The following CAMTA1 variants were observed in gnomAD, a reference collection of about 807,000 sequenced individuals.
CAMTA1 encodes the protein calmodulin-binding transcription activator 1.
Under a neutral mutation model 170.9 loss-of-function variants are expected in CAMTA1, and 27 were observed. The observed-to-expected ratio is 0.16, with a 90% CI of 0.12 to 0.22. CAMTA1 has a LOEUF of 0.22. CAMTA1 is among the 10% of genes least tolerant of loss of function. CAMTA1 has a pLI of 1.00. For missense variants in CAMTA1, 1,619 were observed against 2,217.2 expected (o/e 0.73, Z 5.42); for synonymous variants, 833 against 891.5 (o/e 0.93, Z 1.17).
chr1:7,436,842 C>G (rs991518236), intron 5 of CAMTA1, among the ~76,000 whole-genome samples: 1 of 152,084 alleles, frequency 6.6e-6, no homozygotes, highest in African/African-American at 2.4e-5. Context: ...TGGCTGGGAG[C>G]TGAGGGCCCT....
chr1:7,508,987 C>T (rs529717514), intron 6 of CAMTA1, among the ~76,000 whole-genome samples: 1 of 152,308 alleles, frequency 6.6e-6, no homozygotes, highest in African/African-American at 2.4e-5. Context: ...TGAGACCAGG[C>T]GCTACAGGCT....
chr1:7,516,370 A>G (rs1452096797), intron 6 of CAMTA1, among the ~76,000 whole-genome samples: 1 of 152,212 alleles, frequency 6.6e-6, no homozygotes, highest in East Asian at 1.9e-4. Flanking sequence ...TTGGAGTCAC[A>G]CTGTGGAATT....
intron 3 of CAMTA1, among the ~76,000 whole-genome samples, chr1:6,825,583 G>A (rs940626366): frequency 4.6e-5 from 7 of 152,154 alleles, no homozygotes; most frequent in African/African-American, 1.7e-4. Flanking sequence ...TCCACAGAAT[G>A]TGTAGTGTCT....
chr1:6,868,222 A>C (rs921006765), intron 3 of CAMTA1, among the ~76,000 whole-genome samples: 3 of 152,044 alleles, frequency 2.0e-5, no homozygotes, highest in African/African-American at 7.2e-5. Context: ...TAGAATGTGT[A>C]AAGTTTTACC....
chr1:7,264,101 G>T (rs1193155317), intron 5 of CAMTA1, among the ~76,000 whole-genome samples: 1 of 152,168 alleles, frequency 6.6e-6, no homozygotes, highest in Non-Finnish European at 1.5e-5. Context: ...AGGGGCCCAG[G>T]AAGGGCCTGG....
chr1:7,672,380 C>G (rs559359226), intron 10 of CAMTA1, among the ~76,000 whole-genome samples: 1 of 152,218 alleles, frequency 6.6e-6, no homozygotes, highest in African/African-American at 2.4e-5. Flanking sequence ...TGAGTCCCAC[C>G]ACCCATTTCT....
chr1:7,116,863 A>G (rs987528652), intron 4 of CAMTA1, among the ~76,000 whole-genome samples: 2 of 151,390 alleles, frequency 1.3e-5, no homozygotes, highest in African/African-American at 2.4e-5. Context: ...CGTGTTAGCC[A>G]GGATGGTCTC....
chr1:7,237,391 G>A (rs1306048216), intron 4 of CAMTA1, among the ~76,000 whole-genome samples: 1 of 152,304 alleles, frequency 6.6e-6, no homozygotes, highest in East Asian at 1.9e-4. Flanking sequence ...AGCAGGCTGG[G>A]TCTCAGTTGT....
At chr1:6,794,894 T>TGA (rs1461614382) in intron 1 of CAMTA1, among the ~76,000 whole-genome samples, 2 of 141,898 alleles carry the variant, frequency 1.4e-5, no homozygotes, top group Non-Finnish European at 3.1e-5. Context: ...TTTTTTGTTT[T>TGA]TTTTGTTTTT....
At chr1:6,836,490 A>G (rs1653154421) in intron 3 of CAMTA1, among the ~76,000 whole-genome samples, 1 of 152,162 alleles carries the variant, frequency 6.6e-6, no homozygotes, top group Non-Finnish European at 1.5e-5. Context: ...AAATGGCGAG[A>G]ACCTGGAATT....
intron 11 of CAMTA1, among the ~76,000 whole-genome samples, chr1:7,718,587 C>T (rs185159742): frequency 2.8e-5 from 4 of 142,324 alleles, no homozygotes; most frequent in African/African-American, 5.2e-5. Flanking sequence ...GACAGGGTCT[C>T]GCTCTGTCAC....
intron 11 of CAMTA1, among the ~76,000 whole-genome samples, chr1:7,692,005 G>C (rs1377827968): frequency 6.6e-6 from 1 of 151,310 alleles, no homozygotes. Flanking sequence ...GGGAAGGAGG[G>C]AGGTACAGAT....
intron 3 of CAMTA1, among the ~76,000 whole-genome samples, chr1:6,966,734 C>T (rs780324976): frequency 1.3e-5 from 2 of 151,316 alleles, no homozygotes; most frequent in Middle Eastern, 3.4e-3. Flanking sequence ...CCTCAGCCTT[C>T]CAAGTAGCTG....
chr1:7,573,217 A>G lies in CAMTA1; in HGVS notation c.511-67183A>G, dbSNP rs2150346463. Among the ~76,000 whole-genome samples the G allele has an allele frequency of 1.3e-5, 2 of 152,336 alleles. 1 individual carries two copies. The highest frequency in any genetic ancestry group is 4.1e-4 in the South Asian group (2 of 4,832). On this transcript the variant is annotated intron_variant, in intron 6 of 22. Coordinates refer to ENST00000303635, the MANE Select transcript of CAMTA1 (RefSeq NM_015215.4). Reference sequence around the variant, plus strand: ...CACCCTACTTAACCCTCAGAGTGCCAGGGCCCTGCTCCCCAGAACCCCTTG... The same window carrying G: ...CACCCTACTTAACCCTCAGAGTGCCGGGGCCCTGCTCCCCAGAACCCCTTG...
intron 5 of CAMTA1, among the ~76,000 whole-genome samples, chr1:7,373,874 C>T (rs960084042): frequency 6.6e-6 from 1 of 152,216 alleles, no homozygotes; most frequent in Admixed American, 6.5e-5. Context: ...CTCCATTTAG[C>T]TGAGAACAAT....
At chr1:6,947,921 G>A (rs189456484) in intron 3 of CAMTA1, among the ~76,000 whole-genome samples, 11 of 151,956 alleles carry the variant, frequency 7.2e-5, no homozygotes, top group East Asian at 5.8e-4. Context: ...TAGAGTTTTC[G>A]TGGATTCTTC....
chr1:7,381,401 G>A (rs1347375069), intron 5 of CAMTA1, among the ~76,000 whole-genome samples: 3 of 150,900 alleles, frequency 2.0e-5, no homozygotes, highest in Non-Finnish European at 2.9e-5. Flanking sequence ...GAGAATATGC[G>A]GTGTTCGGTT....
At chr1:7,120,012 A>G (rs1468930006) in intron 4 of CAMTA1, among the ~76,000 whole-genome samples, 2 of 152,188 alleles carry the variant, frequency 1.3e-5, no homozygotes, top group Non-Finnish European at 2.9e-5. Flanking sequence ...CCACCCCGAG[A>G]TAGGTATAAT....
At chr1:6,794,880 C>CTTTTTTTTTTTTTTTTTTTTTTTT (rs1305335139) in intron 1 of CAMTA1, among the ~76,000 whole-genome samples, 2 of 141,900 alleles carry the variant, frequency 1.4e-5, no homozygotes, top group Non-Finnish European at 1.5e-5. Flanking sequence ...TAGATAAAGG[C>CTTTTTTTTTTTTTTTTTTTTTTTT]TTTTTTTTTG....
Sources: allele counts gnomAD v4.1 joint callset (sites outside exome capture counted in the v4.1 genomes callset), GRCh38; gene constraint gnomAD v4.1.1; transcripts MANE v1.5; gene names NCBI Gene and HGNC (gene_info 2026-07-23, HGNC 2026-07-21).